The following CCDC28A variants were observed in gnomAD, a reference collection of about 807,000 sequenced individuals.
CCDC28A encodes the protein coiled-coil domain containing 28A.
CCDC28A carries 24 observed loss-of-function variants against 22.1 expected under a neutral mutation model. That is an observed-to-expected ratio of 1.09 (90% CI 0.79 to 1.53). The LOEUF (loss-of-function observed/expected upper bound fraction) is 1.53. CCDC28A is among the 40% of genes most tolerant of loss of function. The pLI is 0.00. For missense variants in CCDC28A, 170 were observed against 210.7 expected, an observed-to-expected ratio of 0.81 and a Z score of 1.20; for synonymous variants, 83 against 74.7, an observed-to-expected ratio of 1.11 and a Z score of -0.57.
At chr6:138,787,957 CTTT>C (rs397886393) in intron 4 of CCDC28A, among the ~76,000 whole-genome samples, 39 of 85,274 alleles carry the variant, frequency 4.6e-4, no homozygotes, top group African/African-American at 1.8e-3. Flanking sequence ...TTACAGAAAG[CTTT>C]TTTTTTTTTT....
intron 3 of CCDC28A, among the ~76,000 whole-genome samples, chr6:138,783,768 A>G (rs1174784205): frequency 6.6e-6 from 1 of 150,568 alleles, no homozygotes; most frequent in African/African-American, 2.5e-5. Flanking sequence ...AGGTTTCACC[A>G]TGTTTCACAG....
chr6:138,774,122 A>T (rs1774888181), intron 1 of CCDC28A, among the ~76,000 whole-genome samples: 1 of 152,164 alleles, frequency 6.6e-6, no homozygotes, highest in Non-Finnish European at 1.5e-5. Flanking sequence ...CAGTTTACTT[A>T]TTATGCCTTC....
At chr6:138,788,226 G>GCATC in intron 4 of CCDC28A, 140 bp from the exon 5 acceptor site, 1 of 374,002 alleles carries the variant, frequency 2.7e-6, no homozygotes, top group Non-Finnish European at 4.9e-6. Flanking sequence ...ATCCCAAAGT[G>GCATC]CCAGGATTAT....
chr6:138,790,805 A>G (rs1345017335), intron 5 of CCDC28A, among the ~76,000 whole-genome samples: 1 of 152,200 alleles, frequency 6.6e-6, no homozygotes. Context: ...TCTGCCATTG[A>G]GCCTGGATCT....
At chr6:138,784,303 G>C (rs556019242) in intron 3 of CCDC28A, among the ~76,000 whole-genome samples, 135 of 151,416 alleles carry the variant, frequency 8.9e-4, no homozygotes, top group Middle Eastern at 3.4e-3. Context: ...TATTACTGTT[G>C]AAGAAAATAC....
At chr6:138,776,933 AC>A (rs563710884) in intron 2 of CCDC28A, among the ~76,000 whole-genome samples, 197 of 152,284 alleles carry the variant, frequency 1.3e-3, no homozygotes, top group African/African-American at 4.5e-3. Context: ...CAAAAATTCT[AC>A]CACCTAGAAA....
Position 138,776,140 on chromosome 6 carries a change from A to G in CCDC28A, c.20A>G (p.Lys7Arg). Reference protein sequence around the residue: MEERKVKRRSPKSFSAH... With the variant: MEERKVRRRSPKSFSAH... ...AAAACAATGGAAGAGCGGAAAGTGA[A>G]GAGGAGGAGTCCTAAGTCTTTTAGT... is the stretch of plus-strand genomic sequence containing the variant. Residue 7 changes from lysine (K) to arginine (R), a missense_variant, in exon 2 of 6, where the codon AAG becomes AGG. By Grantham distance (26) the Lys-to-Arg change is conservative (BLOSUM62 2). Transcript: ENST00000617445. 1 of 1,614,126 alleles carries G rather than the reference A, an allele frequency of 6.2e-7. No individual in the cohort carries two copies. The highest frequency in any genetic ancestry group is 8.5e-7 in the Non-Finnish European group (1 of 1,179,992).
At chr6:138,785,124 G>A (rs1424779274) in intron 3 of CCDC28A, 103 bp from the exon 4 acceptor site, 4 of 644,374 alleles carry the variant, frequency 6.2e-6, no homozygotes, top group Non-Finnish European at 7.6e-6. Flanking sequence ...ACAGAAGAAA[G>A]AAAACCTGTT....
chr6:138,783,850 G>A (rs986688798), intron 3 of CCDC28A, among the ~76,000 whole-genome samples: 5 of 150,654 alleles, frequency 3.3e-5, no homozygotes, highest in African/African-American at 9.8e-5. Flanking sequence ...GATTACAGGC[G>A]TGAGCCACCA....
intron 4 of CCDC28A, among the ~76,000 whole-genome samples, chr6:138,787,977 T>TA (rs1554265363): frequency 2.0e-5 from 3 of 148,458 alleles, no homozygotes; most frequent in African/African-American, 7.6e-5. Context: ...TTTTTTTTTT[T>TA]TCGACACAGC....
chr6:138,788,400 C>A lies in CCDC28A; in HGVS notation c.500+12C>A. The A allele has an allele frequency of 8.1e-7, 1 of 1,229,190 alleles. No homozygotes were observed. Among genetic ancestry groups the A allele is most frequent in the South Asian group, 1.6e-5 (1 of 63,514 alleles). 76.1% of individuals were successfully genotyped at this position (1,229,190 alleles called of 1,614,324 possible). The stretch of plus-strand genomic sequence containing the variant: ...TTGAATTCTTCCATGTATCCTTTGT[C>A]TGCTATCAACAGTGAAAAGTTTACA... On this transcript the variant is annotated intron_variant, in intron 5 of 5. Transcript: ENST00000617445.
At chr6:138,776,351 C>A in intron 2 of CCDC28A, 73 bp downstream of exon 2, 2 of 1,257,634 alleles carry the variant, frequency 1.6e-6, no homozygotes, top group Non-Finnish European at 2.3e-6. Flanking sequence ...TCTTCTTAAA[C>A]ACTTTTTTAG....
At chr6:138,791,362 G>A (rs993679353) in intron 5 of CCDC28A, among the ~76,000 whole-genome samples, 6 of 152,100 alleles carry the variant, frequency 3.9e-5, no homozygotes, top group Admixed American at 1.3e-4. Flanking sequence ...GATTCCAGGC[G>A]TGAGTCACCA....
chr6:138,776,865 AC>A (rs1017107354), intron 2 of CCDC28A, among the ~76,000 whole-genome samples: 2 of 152,130 alleles, frequency 1.3e-5, no homozygotes, highest in Non-Finnish European at 2.9e-5. Flanking sequence ...TTTTGTATAA[AC>A]TGTGTTTTTT....
intron 4 of CCDC28A, among the ~76,000 whole-genome samples, chr6:138,788,075 C>T (rs1775119144): frequency 1.3e-5 from 2 of 151,340 alleles, no homozygotes; most frequent in South Asian, 4.2e-4. Context: ...AATCCTCCCA[C>T]CTCAGCCTCC....
intron 5 of CCDC28A, 135 bp downstream of exon 5, chr6:138,788,523 G>A (rs1383538532): frequency 1.9e-5 from 8 of 415,352 alleles, no homozygotes; most frequent in African/African-American, 6.5e-5. Context: ...CACTAGGGCC[G>A]TCACTCTTCC....
At position 138,779,712 on chromosome 6, in the gene CCDC28A, C is replaced by G. The variant is rs1035180153; in HGVS notation, c.159-110C>G. On this transcript the variant is annotated intron_variant, in intron 2 of 5. Coordinates refer to ENST00000617445, the MANE Select transcript of CCDC28A (RefSeq NM_015439.3). ...AGTTTCTGGTTTTGTTTAGTATTGA[C>G]TCTATTTGATTTCTTGCTTTTAAGG... 9 of 760,196 alleles carry G rather than the reference C, an allele frequency of 1.2e-5. No homozygotes were observed. The African/African-American group carries it at 1.4e-4, about 12-fold the overall frequency. 47.1% of individuals were successfully genotyped at this position (760,196 alleles called of 1,614,324 possible). A position where few individuals can be genotyped will look rare whatever the true frequency, so the allele number is the denominator to read the frequency against.
At chr6:138,791,584 C>T (rs1327558701) in intron 5 of CCDC28A, among the ~76,000 whole-genome samples, 1 of 152,044 alleles carries the variant, frequency 6.6e-6, no homozygotes, top group Non-Finnish European at 1.5e-5. Context: ...TTTCATTCCC[C>T]TCAGGCTGGT....
chr6:138,785,072 A>G (rs1162315260), intron 3 of CCDC28A, among the ~76,000 whole-genome samples, 155 bp from the exon 4 acceptor site: 1 of 152,190 alleles, frequency 6.6e-6, no homozygotes, highest in Non-Finnish European at 1.5e-5. Context: ...CAGAAATTTG[A>G]TTTGTTATTA....
Sources: gnomAD v4.1 joint callset for allele counts (sites outside exome capture counted in the v4.1 genomes callset) on GRCh38, gnomAD v4.1.1 for gene constraint, MANE v1.5 for transcripts, NCBI Gene and HGNC (gene_info 2026-07-23, HGNC 2026-07-21) for gene names.